The following LUZP1 variants were observed in gnomAD, a reference collection of about 807,000 sequenced individuals.
LUZP1 encodes leucine zipper protein 1, also known as filamin mechanobinding actin cross-linking protein.
Under a neutral mutation model 71.3 loss-of-function variants are expected in LUZP1, and 25 were observed. That is an observed-to-expected ratio of 0.35 (90% CI 0.26 to 0.49). LUZP1 has a LOEUF of 0.49. Among genes scored for constraint, LUZP1 ranks in the 20% least tolerant of loss-of-function variants. The pLI, the probability that LUZP1 is intolerant of heterozygous loss-of-function variation, is 0.99. For synonymous variants in LUZP1, 481 were observed against 506.4 expected (o/e 0.95, Z 0.67); for missense variants, 1,142 against 1,300.8 (o/e 0.88, Z 1.88).
At chr1:23,142,541 G>A (rs1409970303) in intron 2 of LUZP1, among the ~76,000 whole-genome samples, 3 of 151,922 alleles carry the variant, frequency 2.0e-5, no homozygotes, top group Non-Finnish European at 4.4e-5. Flanking sequence ...ATGTGGCCTC[G>A]GGATAATCTG....
chr1:23,105,658 C>A (rs1643974872), intron 3 of LUZP1, among the ~76,000 whole-genome samples: 1 of 151,982 alleles, frequency 6.6e-6, no homozygotes, highest in Non-Finnish European at 1.5e-5. Flanking sequence ...AGTTTCAATC[C>A]CTTGACTAAA....
chr1:23,121,374 T>C (rs1287784440), intron 2 of LUZP1, among the ~76,000 whole-genome samples: 1 of 152,262 alleles, frequency 6.6e-6, no homozygotes, highest in East Asian at 1.9e-4. Flanking sequence ...CAAACCAAAA[T>C]TGGTTTTTCT....
intron 2 of LUZP1, among the ~76,000 whole-genome samples, chr1:23,165,843 T>C (rs1358470045): frequency 2.0e-5 from 3 of 152,126 alleles, no homozygotes; most frequent in South Asian, 4.1e-4. Context: ...CTGTTTCTGA[T>C]AATGTTACCT....
chr1:23,094,439 C>T lies in LUZP1; in HGVS notation c.-119-59G>A. The T allele has an allele frequency of 3.1e-6, 4 of 1,285,448 alleles. No individual in the cohort carries two copies. The highest frequency in any genetic ancestry group is 4.0e-6 in the Non-Finnish European group (4 of 988,724). The allele number at this position is 1,285,448 out of a possible 1,614,324, so 79.6% of individuals were successfully genotyped here. On this transcript the variant is annotated intron_variant, in intron 3 of 4. Transcript: ENST00000302291. This position sits in a 1 kb window ranked among gnomAD's most constrained non-coding sequence, Gnocchi z 4.7. ...CAAATGTAAAACCTGCACGTTAGCTCCCAGTTATAGAAAAGTGCTCCTATC... is the reference window on the plus strand; with the variant it reads ...CAAATGTAAAACCTGCACGTTAGCTTCCAGTTATAGAAAAGTGCTCCTATC...
At chr1:23,102,085 G>A (rs1465949807) in intron 3 of LUZP1, among the ~76,000 whole-genome samples, 1 of 151,838 alleles carries the variant, frequency 6.6e-6, no homozygotes, top group Non-Finnish European at 1.5e-5. Context: ...CGGAAGCTCA[G>A]AAGAAGTGAT....
intron 2 of LUZP1, among the ~76,000 whole-genome samples, chr1:23,150,732 C>CA (rs899030257): frequency 6.6e-6 from 1 of 152,034 alleles, no homozygotes; most frequent in Non-Finnish European, 1.5e-5. Flanking sequence ...ACAAACATAT[C>CA]AAAAAACTGC....
intron 2 of LUZP1, among the ~76,000 whole-genome samples, chr1:23,111,174 T>G (rs1170336765): frequency 7.4e-6 from 1 of 134,512 alleles, no homozygotes; most frequent in Non-Finnish European, 1.5e-5. Flanking sequence ...CACTCCAGCC[T>G]GGGCGACACA....
intron 2 of LUZP1, among the ~76,000 whole-genome samples, chr1:23,124,972 G>A (rs568168325): frequency 3.0e-4 from 45 of 152,254 alleles, no homozygotes; most frequent in Non-Finnish European, 5.1e-4. Flanking sequence ...TGTTGAGCTT[G>A]CCCAGGTTTG....
At chr1:23,083,647 GTTT>G (rs1178609386), downstream of LUZP1, 1 of 197,470 alleles carries the variant, frequency 5.1e-6, no homozygotes, top group African/African-American at 2.4e-5. Context: ...TGGGGTTTTT[GTTT>G]TTTTTTTATA....
chr1:23,106,523 T>G (rs1361462940), intron 3 of LUZP1, among the ~76,000 whole-genome samples: 1 of 152,076 alleles, frequency 6.6e-6, no homozygotes, highest in East Asian at 1.9e-4. Flanking sequence ...GAGGATCAAC[T>G]GAGCCTGGGA....
At chr1:23,088,932 C>T (rs745345544) in exon 5 of LUZP1, 50 of 1,614,054 alleles carry the variant, frequency 3.1e-5, no homozygotes, top group Non-Finnish European at 4.0e-5. Flanking sequence ...TGGCCGTAAT[C>T]GTTCCTCGGC....
intron 1 of LUZP1, among the ~76,000 whole-genome samples, chr1:23,174,300 T>G (rs1644570542): frequency 6.6e-6 from 1 of 152,176 alleles, no homozygotes; most frequent in Non-Finnish European, 1.5e-5. Flanking sequence ...TCCTTCCTCC[T>G]CTTTTTTGTT....
exon 1 of LUZP1, chr1:23,177,726 G>A (rs1172733858): frequency 6.6e-6 from 1 of 152,198 alleles, no homozygotes; most frequent in Non-Finnish European, 1.5e-5. Flanking sequence ...GGGGGCCGGC[G>A]CGTTCGCCGT....
chr1:23,135,346 C>T, intron 2 of LUZP1, among the ~76,000 whole-genome samples: 1 of 152,184 alleles, frequency 6.6e-6, no homozygotes, highest in East Asian at 1.9e-4. Context: ...TTTAGAATTA[C>T]ATACAAAGAA....
intron 1 of LUZP1, among the ~76,000 whole-genome samples, chr1:23,173,568 G>T (rs1644565874): frequency 6.6e-6 from 1 of 151,746 alleles, no homozygotes; most frequent in Admixed American, 6.6e-5. Flanking sequence ...TGCTGCCCAG[G>T]CTGGTCTCCA....
chr1:23,109,557 A>C (rs936285730), intron 2 of LUZP1: 1 of 152,260 alleles, frequency 6.6e-6, no homozygotes, highest in African/African-American at 2.4e-5. Flanking sequence ...GAGTGCCCAC[A>C]TGACTCCACA....
intron 2 of LUZP1, among the ~76,000 whole-genome samples, chr1:23,115,001 C>T (rs1027405837): frequency 3.6e-4 from 55 of 152,084 alleles, no homozygotes; most frequent in African/African-American, 1.3e-3. Context: ...TAAACAGGTC[C>T]GAAAAGATCT....
chr1:23,138,663 T>G (rs61780499), intron 2 of LUZP1, among the ~76,000 whole-genome samples: 7,870 of 125,086 alleles, frequency 0.063, 242 homozygotes, highest in South Asian at 0.095. Context: ...GATTATGTGT[T>G]TGTGTGTGTG....
intron 2 of LUZP1, among the ~76,000 whole-genome samples, chr1:23,158,796 G>A (rs959425561): frequency 1.1e-4 from 16 of 149,888 alleles, no homozygotes; most frequent in East Asian, 6.0e-4. Flanking sequence ...GTGAAACACC[G>A]TCTCTACTAA....
Sources: allele counts gnomAD v4.1 joint callset (sites outside exome capture counted in the v4.1 genomes callset), GRCh38; gene constraint gnomAD v4.1.1; non-coding constraint Gnocchi (gnomAD v3.1); transcripts MANE v1.5; gene names NCBI Gene and HGNC (gene_info 2026-07-23, HGNC 2026-07-21).